ESYT1: variants seen among roughly 807,000 people sequenced by gnomAD.
ESYT1 encodes extended synaptotagmin-1.
In ESYT1, 116 loss-of-function variants were observed where a neutral mutation model predicts 154.2. The observed-to-expected ratio is 0.75, with a 90% CI of 0.65 to 0.88. The LOEUF (loss-of-function observed/expected upper bound fraction) is 0.88, where lower values mean the gene tolerates loss of function less well. ESYT1 is among the 40% of genes least tolerant of loss of function. The probability of loss-of-function intolerance (pLI) is 0.00; values close to 1 mark genes in which losing one functional copy is unlikely to be tolerated. For synonymous variants in ESYT1, 500 were observed against 539.9 expected, an observed-to-expected ratio of 0.93 and a Z score of 1.02; for missense variants, 1,264 against 1,379.3, an observed-to-expected ratio of 0.92 and a Z score of 1.32.
chr12:56,131,114 G>C lies in ESYT1; in HGVS notation c.641+1G>C. On this transcript the variant is annotated splice_donor_variant, in intron 4 of 30. Coordinates refer to ENST00000394048, the MANE Select transcript of ESYT1 (RefSeq NM_015292.3). LOFTEE classifies it high-confidence loss of function. The stretch of plus-strand genomic sequence containing the variant: ...AGATCCTGCTGGACTTGAACATCAG[G>C]TAATACCACTCACCACTCTTACTGC... 1.2e-6 allele frequency: 2 copies of C among 1,614,104 alleles called. No individual in the cohort carries two copies. The highest frequency in any genetic ancestry group is 1.7e-6 in the Non-Finnish European group (2 of 1,180,012).
At chr12:56,136,720 C>T (rs1049004129) in intron 15 of ESYT1, 24 bp from the exon 16 acceptor site, 8 of 1,576,098 alleles carry the variant, frequency 5.1e-6, no homozygotes, top group African/African-American at 2.7e-5. Context: ...CCCTTCACTA[C>T]AGTCCTTCCT....
rs745863512 is a variant in ESYT1, at chr12:56,132,584, G to A, written c.1148G>A (p.Gly383Glu). 1.2e-6 allele frequency: 2 copies of A among 1,614,198 alleles called. No homozygotes were observed. Among genetic ancestry groups the A allele is most frequent in the East Asian group, 4.5e-5 (2 of 44,882 alleles). Reference sequence around the variant, plus strand: ...GATGAAGAACTCAACCCACAGTGGGGAGAGACTTATGAGGTGGGAGAGTTG... The same window carrying A: ...GATGAAGAACTCAACCCACAGTGGGAAGAGACTTATGAGGTGGGAGAGTTG... ...VIDEELNPQW[G>E]ETYEVMVHEV... Residue 383 changes from glycine (G) to glutamate (E), a missense_variant, in exon 9 of 31, where the codon GGA (glycine) becomes GAA (glutamate). Transcript: ENST00000394048.
chr12:56,130,435 C>G (rs1663638946), intron 1 of ESYT1, 147 bp from the exon 2 acceptor site: 2 of 901,110 alleles, frequency 2.2e-6, no homozygotes, highest in East Asian at 2.4e-5. Context: ...AGGAATGAAC[C>G]TTTGGGGCAT....
At chr12:56,139,291 T>C (rs981575909) in intron 24 of ESYT1, among the ~76,000 whole-genome samples, 1 of 151,852 alleles carries the variant, frequency 6.6e-6, no homozygotes, top group African/African-American at 2.4e-5. Flanking sequence ...GCATTTTTTT[T>C]AGTAGAGATG....
intron 22 of ESYT1, 74 bp downstream of exon 22, chr12:56,138,573 A>G: frequency 1.4e-6 from 2 of 1,436,056 alleles, no homozygotes; most frequent in South Asian, 1.2e-5. Context: ...ATGGTCCTGG[A>G]GTATTTAGAA....
chr12:56,139,354 C>T (rs1051032007), intron 24 of ESYT1, among the ~76,000 whole-genome samples: 4 of 151,846 alleles, frequency 2.6e-5, no homozygotes, highest in Non-Finnish European at 4.4e-5. Context: ...TCAGGTGATC[C>T]GCCCACCTCG....
At position 56,144,524 on chromosome 12, in the gene ESYT1, G is replaced by T. The variant is rs1029388269; in HGVS notation, c.*662G>T. The T allele has an allele frequency of 3.0e-6, 3 of 985,610 alleles. No individual in the cohort carries two copies. The African/African-American group carries it at 5.2e-5, about 17-fold the overall frequency. 61.1% of individuals were successfully genotyped at this position (985,610 alleles called of 1,614,324 possible). ...AGCTCCTAGCTGGTGATACGGAGAG[G>T]GCTTTGGAGGACTTGGGACAGCAGG... On this transcript the variant is annotated 3_prime_UTR_variant, in exon 31 of 31. Transcript: ENST00000394048.
In ESYT1 at chr12:56,137,858, A is replaced by G. The variant is rs373806602; in HGVS notation, c.2142A>G (p.Gln714=). 2 of 1,614,064 alleles carry G rather than the reference A, an allele frequency of 1.2e-6. No individual in the cohort carries two copies. Among genetic ancestry groups the G allele is most frequent in the African/African-American group, 2.7e-5 (2 of 74,916 alleles). ...TGATCGTCACATCAGTTCCAGGCCA[A>G]GAGCTAGAGGTTGAAGTCTTTGACA... ...FEVIVTSVPG[Q]ELEVEVFDKD... Residue 714 remains glutamine (Q), a synonymous_variant, in exon 19 of 31, where the codon CAA becomes CAG. Coordinates refer to ENST00000394048, the MANE Select transcript of ESYT1 (RefSeq NM_015292.3).
intron 9 of ESYT1, 45 bp from the exon 10 acceptor site, chr12:56,132,674 C>T: frequency 6.2e-7 from 1 of 1,613,180 alleles, no homozygotes; most frequent in South Asian, 1.1e-5. Context: ...GGATGATCCT[C>T]ACAGCTGCAG....
chr12:56,133,060 G>A (rs532965501), intron 10 of ESYT1, among the ~76,000 whole-genome samples: 1 of 152,160 alleles, frequency 6.6e-6, no homozygotes, highest in African/African-American at 2.4e-5. Context: ...GGAGGAGTTT[G>A]CAGTGAGCCG....
intron 24 of ESYT1, 152 bp downstream of exon 24, chr12:56,139,165 G>A: frequency 3.2e-6 from 2 of 626,874 alleles, no homozygotes; most frequent in Admixed American, 2.7e-5. Context: ...CTGGAGTGCA[G>A]TGGTGCTATC....
At position 56,128,518 on chromosome 12, in the gene ESYT1, C is replaced by T. The variant is rs1870095804; in HGVS notation, c.199C>T (p.Pro67Ser). 6.2e-7 allele frequency: 1 copy of T among 1,612,604 alleles called. No individual in the cohort carries two copies. The highest frequency in any genetic ancestry group is 1.1e-5 in the South Asian group (1 of 90,822). ...SFGRRLLVLI[P>S]VYLAGAVGLS... ...CGGGAGGCGGTTGCTGGTGCTGATACCTGTGTATTTGGCCGGGGCAGTGGG... is the reference window on the plus strand; with the variant it reads ...CGGGAGGCGGTTGCTGGTGCTGATATCTGTGTATTTGGCCGGGGCAGTGGG... The change falls in exon 1 of 31, where the codon CCT becomes TCT. Residue 67 changes from proline (P) to serine (S), a missense_variant. Pro to Ser is a moderately conservative substitution (Grantham distance 74). Coordinates refer to ENST00000394048, the MANE Select transcript of ESYT1 (RefSeq NM_015292.3).
chr12:56,143,014 T>C lies in ESYT1; in HGVS notation c.2988-3T>C. 6.2e-7 allele frequency: 1 copy of C among 1,614,196 alleles called. No homozygotes were observed. Among genetic ancestry groups the C allele is most frequent in the Non-Finnish European group, 8.5e-7 (1 of 1,180,028 alleles). ...CCATATCACCTACATCCTCCTGTTG[T>C]AGGTCCCTTCGACAGAATGGACGTG... is the stretch of plus-strand genomic sequence containing the variant. On this transcript the variant is annotated splice_polypyrimidine_tract_variant and splice_region_variant and intron_variant, in intron 27 of 30. Coordinates refer to ENST00000394048, the MANE Select transcript of ESYT1 (RefSeq NM_015292.3).
At chr12:56,128,745 C>A in intron 1 of ESYT1, 36 bp downstream of exon 1, 3 of 1,607,882 alleles carry the variant, frequency 1.9e-6, no homozygotes, top group Non-Finnish European at 2.5e-6. Context: ...TGCAGCATAG[C>A]CCCCTTCCAC....
In ESYT1 at chr12:56,143,346, G is replaced by C. The variant is rs758268523; in HGVS notation, c.3225+13G>C. 5.0e-6 allele frequency: 8 copies of C among 1,612,844 alleles called. No individual in the cohort carries two copies. Among genetic ancestry groups the C allele is most frequent in the African/African-American group, 1.3e-5 (1 of 74,862 alleles). On this transcript the variant is annotated intron_variant, in intron 29 of 30. Transcript: ENST00000394048. ...GCTGCTGGGGAAGGTAAGAGGGCAG[G>C]ATGGCAGGGCAGAGGTGAGGGCTGG...
rs80303681 is a variant in ESYT1 at position 56,138,611 on chromosome 12, G to A, written c.2433+112G>A. ...AGAAAAATGGCCCCTCTCTTTCTGA[G>A]GGTAGTGCAGGGGTGGGAAAAGTTG... On this transcript the variant is annotated intron_variant, in intron 22 of 30. Transcript: ENST00000394048. 7,471 of 1,290,322 alleles carry A rather than the reference G, an allele frequency of 5.8e-3. 35 individuals are homozygous for A. The highest frequency in any genetic ancestry group is 0.039 in the Middle Eastern group (171 of 4,336). 79.9% of individuals were successfully genotyped at this position (1,290,322 alleles called of 1,614,324 possible). A position where few individuals can be genotyped will look rare whatever the true frequency, so the allele number is the denominator to read the frequency against.
At chr12:56,133,936 G>A (rs1870344902) in intron 13 of ESYT1, 63 bp downstream of exon 13, 20 of 1,571,656 alleles carry the variant, frequency 1.3e-5, no homozygotes, top group Non-Finnish European at 1.6e-5. Context: ...CCTTGCTGAG[G>A]ATGCAAATGT....
chr12:56,143,330 G>GA lies in ESYT1; in HGVS notation c.3224dup (p.Val1076GlyfsTer7). On this transcript the variant is annotated frameshift_variant, in exon 29 of 31. Coordinates refer to ENST00000394048, the MANE Select transcript of ESYT1 (RefSeq NM_015292.3). LOFTEE classifies it high-confidence loss of function. ...TGTCAAGAGAGCGTGAGCTGCTGGGGAAGGTAAGAGGGCAGGATGGCAGGG... is the reference window on the plus strand; with the variant it reads ...TGTCAAGAGAGCGTGAGCTGCTGGGGAAAGGTAAGAGGGCAGGATGGCAGGG... The GA allele has an allele frequency of 6.2e-7, 1 of 1,613,972 alleles. No individual in the cohort carries two copies. Among genetic ancestry groups the GA allele is most frequent in the Non-Finnish European group, 8.5e-7 (1 of 1,179,956 alleles).
rs763826225 is a variant in ESYT1 at position 56,133,756 on chromosome 12, TCTGA to T, written c.1381-22_1381-19del. The T allele has an allele frequency of 2.5e-5, 41 of 1,613,398 alleles. No individual in the cohort carries two copies. In the African/African-American group the frequency reaches 5.1e-4, roughly 20 times the overall value. On this transcript the variant is annotated intron_variant, in intron 12 of 30. Coordinates refer to ENST00000394048, the MANE Select transcript of ESYT1 (RefSeq NM_015292.3). ...AGGGGACTTGGAACGGGGACCAAGATCTGACTACTACCACCCCTCCCCAGGTTCT... is the reference window on the plus strand; with the variant it reads ...AGGGGACTTGGAACGGGGACCAAGATCTACTACCACCCCTCCCCAGGTTCT...
Sources: allele counts gnomAD v4.1 joint callset (sites outside exome capture counted in the v4.1 genomes callset), GRCh38; gene constraint gnomAD v4.1.1; transcripts MANE v1.5; gene names NCBI Gene and HGNC (gene_info 2026-07-23, HGNC 2026-07-21).